CAPN11: variants seen among roughly 807,000 people sequenced by gnomAD.
The protein encoded by CAPN11 is calpain-11.
Under a neutral mutation model 105.3 loss-of-function variants are expected in CAPN11, and 108 were observed. The ratio of observed to expected loss-of-function variants is 1.03; its 90% CI spans 0.88 to 1.20. The LOEUF (loss-of-function observed/expected upper bound fraction) is 1.20, where lower values mean the gene tolerates loss of function less well. CAPN11 is among the 50% of genes most tolerant of loss of function. The pLI, the probability that CAPN11 is intolerant of heterozygous loss-of-function variation, is 0.00. For synonymous variants in CAPN11, 329 were observed against 344.5 expected (o/e 0.96, Z 0.50); for missense variants, 883 against 924.8 (o/e 0.95, Z 0.59).
chr6:44,174,067 A>G (rs963596247), intron 7 of CAPN11, among the ~76,000 whole-genome samples: 2 of 152,186 alleles, frequency 1.3e-5, no homozygotes, highest in Non-Finnish European at 2.9e-5. Context: ...GAAGGAGCCC[A>G]GCATGCAATA....
chr6:44,160,762 A>G (rs552859636), intron 1 of CAPN11, among the ~76,000 whole-genome samples: 15 of 152,340 alleles, frequency 9.8e-5, no homozygotes, highest in African/African-American at 3.6e-4. Flanking sequence ...CCTGCTTTCC[A>G]CGCAGTTTCA....
intron 1 of CAPN11, chr6:44,161,959 T>C (rs961710485): frequency 2.0e-5 from 9 of 451,484 alleles, no homozygotes; most frequent in Non-Finnish European, 4.0e-5. Context: ...CATTTTGAAC[T>C]GGAAAATTCT....
intron 1 of CAPN11, chr6:44,161,833 G>C (rs1229963808): frequency 6.6e-6 from 3 of 456,264 alleles, no homozygotes; most frequent in South Asian, 4.6e-5. Context: ...GAGCAGCCAG[G>C]GTAGAGGCTG....
chr6:44,181,796 T>C (rs199569555), intron 19 of CAPN11, among the ~76,000 whole-genome samples: 83 of 4,102 alleles, frequency 0.02, 1 homozygote, highest in Admixed American at 0.023. Context: ...CACACACACA[T>C]ACACACTCAC....
In CAPN11 at chr6:44,184,211, A is replaced by G. The variant is rs1380367228; in HGVS notation, c.*279A>G. 3 of 517,304 alleles carry G rather than the reference A, an allele frequency of 5.8e-6. No homozygotes were observed. Among genetic ancestry groups the G allele is most frequent in the African/African-American group, 1.9e-5 (1 of 52,390 alleles). 32.0% of individuals were successfully genotyped at this position (517,304 alleles called of 1,614,324 possible). A position where few individuals can be genotyped will look rare whatever the true frequency, so the allele number is the denominator to read the frequency against. The stretch of plus-strand genomic sequence containing the variant: ...TCTCTCAGAGTATATTTTACTAAAG[A>G]GTAGTTGATGCTTCCCCAGGGTCCC... On this transcript the variant is annotated 3_prime_UTR_variant, in exon 23 of 23. Transcript: ENST00000398776.
chr6:44,177,600 G>T (rs1169027637), intron 12 of CAPN11, 180 bp downstream of exon 12: 3 of 604,822 alleles, frequency 5.0e-6, no homozygotes, highest in Non-Finnish European at 8.7e-6. Context: ...TGATTCTCGT[G>T]CCTCAGCCTT....
chr6:44,174,610 G>A lies in CAPN11; in HGVS notation c.831+1224G>A, dbSNP rs1181586601. ...GGTGGTTACACACTGCATGATTCACGATATTCTTTTTTTTTTTTTTTTTTT... is the reference window on the plus strand; with the variant it reads ...GGTGGTTACACACTGCATGATTCACAATATTCTTTTTTTTTTTTTTTTTTT... On this transcript the variant is annotated intron_variant, in intron 7 of 22. Transcript: ENST00000398776. Among the ~76,000 whole-genome samples, 5 of 137,490 alleles carry A rather than the reference G, an allele frequency of 3.6e-5. No homozygotes were observed. In the East Asian group the frequency reaches 6.3e-4, roughly 17 times the overall value. 90.2% of individuals were successfully genotyped at this position (137,490 alleles called of 152,430 possible). A position where few individuals can be genotyped will look rare whatever the true frequency, so the allele number is the denominator to read the frequency against.
At chr6:44,161,004 A>G (rs2128287917) in intron 1 of CAPN11, among the ~76,000 whole-genome samples, 1 of 152,196 alleles carries the variant, frequency 6.6e-6, no homozygotes, top group East Asian at 1.9e-4. Flanking sequence ...TCAGGTGTCC[A>G]CTGGGGGTGT....
rs536441657 is a variant in CAPN11 at position 44,172,367 on chromosome 6, G to A, written c.475G>A (p.Val159Met). Reference sequence around the variant, plus strand: ...CTGCCCCAAACTGCTATACCGCGTGGTGCCCAGAGGACAGAGCTTCAAGAA... The same window carrying A: ...CTGCCCCAAACTGCTATACCGCGTGATGCCCAGAGGACAGAGCTTCAAGAA... ...TTCPKLLYRVVPRGQSFKKNY... is the reference protein window; with the variant it reads ...TTCPKLLYRVMPRGQSFKKNY... Residue 159 changes from valine to methionine, a missense_variant, in exon 5 of 23, where the codon GTG becomes ATG. By Grantham distance (21) the Val-to-Met change is conservative (BLOSUM62 1). Coordinates refer to ENST00000398776, the MANE Select transcript of CAPN11 (RefSeq NM_007058.4). 85 of 1,562,088 alleles carry A rather than the reference G, an allele frequency of 5.4e-5. No individual in the cohort carries two copies. In the East Asian group the frequency reaches 2.0e-3, roughly 36 times the overall value.
intron 4 of CAPN11, 92 bp from the exon 5 acceptor site, chr6:44,172,210 T>G: frequency 1.3e-6 from 1 of 764,170 alleles, no homozygotes; most frequent in Non-Finnish European, 2.1e-6. Flanking sequence ...GGGTACAGGG[T>G]CAAGTTCCTG....
chr6:44,162,442 T>G (rs1390298473), intron 1 of CAPN11, among the ~76,000 whole-genome samples: 1 of 149,916 alleles, frequency 6.7e-6, no homozygotes, highest in Non-Finnish European at 1.5e-5. Flanking sequence ...GTGAGGGAGC[T>G]TCCATTACCA....
chr6:44,161,362 A>C (rs1768770795), intron 1 of CAPN11, among the ~76,000 whole-genome samples: 1 of 151,280 alleles, frequency 6.6e-6, no homozygotes, highest in Non-Finnish European at 1.5e-5. Flanking sequence ...ACCACACCCA[A>C]CTCATTTTTG....
intron 12 of CAPN11, 189 bp downstream of exon 12, chr6:44,177,609 T>C (rs771638219): frequency 3.4e-5 from 20 of 590,294 alleles, no homozygotes; most frequent in Non-Finnish European, 6.0e-5. Flanking sequence ...TGCCTCAGCC[T>C]TCCCAGTAGC....
In CAPN11 at chr6:44,173,351, G is replaced by T; in HGVS notation, c.796G>T (p.Val266Leu). The T allele has an allele frequency of 6.2e-7, 1 of 1,612,892 alleles. No homozygotes were observed. The highest frequency in any genetic ancestry group is 8.5e-7 in the Non-Finnish European group (1 of 1,179,458). Residue 266 changes from valine to leucine, a missense_variant, in exon 7 of 23, where the codon GTG becomes TTG. Val to Leu is a conservative substitution (Grantham distance 32). Coordinates refer to ENST00000398776, the MANE Select transcript of CAPN11 (RefSeq NM_007058.4). ...QNLLRLLRKAVERSSLMGCSI... is the reference protein window; with the variant it reads ...QNLLRLLRKALERSSLMGCSI... ...CCTGCTCAGGCTCCTTAGGAAGGCC[G>T]TGGAGCGATCCTCCCTCATGGGTTG...
At chr6:44,179,503 C>G (rs969993533) in intron 12 of CAPN11, 116 bp from the exon 13 acceptor site, 2 of 920,164 alleles carry the variant, frequency 2.2e-6, no homozygotes, top group Admixed American at 1.8e-5. Context: ...GCCCTTAATA[C>G]CCCTCCAACA....
At chr6:44,170,917 C>CTTT (rs1346155871) in intron 4 of CAPN11, among the ~76,000 whole-genome samples, 1 of 152,134 alleles carries the variant, frequency 6.6e-6, no homozygotes, top group East Asian at 1.9e-4. Context: ...AGGGATAAAG[C>CTTT]CAGGGTGGGC....
chr6:44,172,389 A>AG lies in CAPN11; in HGVS notation c.498dup (p.Lys167GlufsTer24), dbSNP rs767096762. 1.7e-5 allele frequency: 27 copies of AG among 1,559,216 alleles called. No homozygotes were observed. The highest frequency in any genetic ancestry group is 2.7e-5 in the African/African-American group (2 of 73,324). ...GTGGTGCCCAGAGGACAGAGCTTCAAGAAAAACTATGCTGGCATCTTCCAT... is the reference window on the plus strand; with the variant it reads ...GTGGTGCCCAGAGGACAGAGCTTCAAGGAAAAACTATGCTGGCATCTTCCAT... On this transcript the variant is annotated frameshift_variant, in exon 5 of 23. Transcript: ENST00000398776. LOFTEE classifies it high-confidence loss of function.
chr6:44,159,455 G>A (rs1768309334), intron 1 of CAPN11, among the ~76,000 whole-genome samples: 1 of 151,980 alleles, frequency 6.6e-6, no homozygotes, highest in South Asian at 2.1e-4. Context: ...GTGCACAGAG[G>A]GCAGCCAGCC....
Position 44,180,373 on chromosome 6 carries a change from AGACAT to A in CAPN11, c.1641-78_1641-74del, listed in dbSNP as rs1772924128. The A allele has an allele frequency of 3.0e-6, 4 of 1,322,262 alleles. No homozygotes were observed. The Admixed American group carries it at 5.3e-5, about 17-fold the overall frequency. 81.9% of individuals were successfully genotyped at this position (1,322,262 alleles called of 1,614,324 possible). On this transcript the variant is annotated intron_variant, in intron 14 of 22. Coordinates refer to ENST00000398776, the MANE Select transcript of CAPN11 (RefSeq NM_007058.4). The stretch of plus-strand genomic sequence containing the variant: ...ATGGAGCTGCCCTATATTGCTTCAA[AGACAT>A]GACATGACCCCCAGAGCACCCCACT...
Sources: gnomAD v4.1 joint callset for allele counts (sites outside exome capture counted in the v4.1 genomes callset) on GRCh38, gnomAD v4.1.1 for gene constraint, MANE v1.5 for transcripts, NCBI Gene and HGNC (gene_info 2026-07-23, HGNC 2026-07-21) for gene names.